The following WDR91 variants were observed in gnomAD, a reference collection of about 807,000 sequenced individuals.
WDR91 encodes WD repeat domain 91.
In WDR91, 52 loss-of-function variants were observed where a neutral mutation model predicts 88.4. The ratio of observed to expected loss-of-function variants is 0.59; its 90% CI spans 0.47 to 0.74. The LOEUF (loss-of-function observed/expected upper bound fraction) is 0.74, where lower values mean the gene tolerates loss of function less well. Ranked by LOEUF, WDR91 falls within the 30% of genes least tolerant of loss-of-function variation. WDR91 has a pLI of 0.00. For missense variants in WDR91, 824 were observed against 954.5 expected (o/e 0.86, Z 1.80); for synonymous variants, 362 against 389.5 (o/e 0.93, Z 0.83).
rs1186367790 is a variant in WDR91 at position 135,193,342 on chromosome 7, A to G, written c.1548T>C (p.Ala516=). 1.9e-6 allele frequency: 3 copies of G among 1,614,190 alleles called. No homozygotes were observed. The change falls in exon 11 of 15, where the codon GCT becomes GCC. Residue 516 remains alanine (A), a synonymous_variant. Coordinates refer to ENST00000354475, the MANE Select transcript of WDR91 (RefSeq NM_014149.4). ...AGTCCACCTGGGAAGTGAGGCTCGG[A>G]GCTGCTGCCGAACAGACGAAAGAGG... ...NGASFVCSAA[A]PSLTSQVDFS... is the part of the protein sequence containing the mutation.
intron 3 of WDR91, among the ~76,000 whole-genome samples, chr7:135,207,902 GAGGGCCCACAA>G (rs1831860971): frequency 6.6e-6 from 1 of 152,168 alleles, no homozygotes; most frequent in Non-Finnish European, 1.5e-5. Context: ...GATTTCACTG[GAGGGCCCACAA>G]AGTTAACTGG....
At chr7:135,211,029 A>G in intron 1 of WDR91, 1 of 657,728 alleles carries the variant, frequency 1.5e-6, no homozygotes, top group Non-Finnish European at 2.8e-6. Context: ...GGAAGCCAAC[A>G]CGAATATCTG....
intron 11 of WDR91, among the ~76,000 whole-genome samples, chr7:135,190,284 G>A (rs751180963): frequency 6.6e-6 from 1 of 152,114 alleles, no homozygotes; most frequent in Non-Finnish European, 1.5e-5. Flanking sequence ...CTTCAGTGCA[G>A]GAATGAACTA....
chr7:135,189,644 C>T (rs1831087724), intron 11 of WDR91, among the ~76,000 whole-genome samples, 192 bp from the exon 12 acceptor site: 1 of 152,204 alleles, frequency 6.6e-6, no homozygotes, highest in Non-Finnish European at 1.5e-5. Context: ...AGAACAAGTT[C>T]TCTGTGCCTA....
At position 135,208,891 on chromosome 7, in the gene WDR91, C is replaced by T. The variant is rs560414426; in HGVS notation, c.411G>A (p.Pro137=). The T allele has an allele frequency of 5.1e-5, 82 of 1,614,108 alleles. No individual in the cohort carries two copies. The highest frequency in any genetic ancestry group is 3.3e-4 in the Middle Eastern group (2 of 6,062). Residue 137 remains proline, a synonymous_variant, in exon 3 of 15, where the codon CCG becomes CCA. Coordinates refer to ENST00000354475, the MANE Select transcript of WDR91 (RefSeq NM_014149.4). The stretch of plus-strand genomic sequence containing the variant: ...AGGTAGCAAAGGTGGGGTTGGTGTC[C>T]GGGGATGGCAGGAAGGGCAGGACAA... ...DWFVLPFLPS[P]DTNPTFATYF... is the part of the protein sequence containing the mutation.
intron 6 of WDR91, among the ~76,000 whole-genome samples, chr7:135,201,277 A>G (rs977997155): frequency 5.3e-5 from 8 of 150,284 alleles, no homozygotes; most frequent in African/African-American, 2.0e-4. Context: ...CAAGCCTGCT[A>G]TGGATGTGCC....
chr7:135,202,582 GAC>G (rs1221985102), intron 6 of WDR91, among the ~76,000 whole-genome samples: 3 of 152,154 alleles, frequency 2.0e-5, no homozygotes, highest in African/African-American at 7.2e-5. Flanking sequence ...CTCACCATGT[GAC>G]ACACAGTTCC....
chr7:135,193,733 G>C, intron 9 of WDR91, 61 bp from the exon 10 acceptor site: 1 of 1,463,570 alleles, frequency 6.8e-7, no homozygotes, highest in South Asian at 1.2e-5. Flanking sequence ...AGTCAGGGAG[G>C]ATCTCCAGAG....
intron 11 of WDR91, among the ~76,000 whole-genome samples, chr7:135,192,840 C>G (rs544105070): frequency 6.6e-6 from 1 of 152,284 alleles, no homozygotes; most frequent in Admixed American, 6.5e-5. Flanking sequence ...TGAGGTGGTG[C>G]CCAGGTCCCC....
rs748578007 is a variant in WDR91 at position 135,193,562 on chromosome 7, G to T, written c.1490+16C>A. ...CAGCCTGCGGCCTTGATGGTGGGGG[G>T]TAGGTTCCAGTTCACCTGGGCATGT... On this transcript the variant is annotated intron_variant, in intron 10 of 14. Transcript: ENST00000354475. 1 of 1,613,922 alleles carries T rather than the reference G, an allele frequency of 6.2e-7. No individual in the cohort carries two copies. Among genetic ancestry groups the T allele is most frequent in the Non-Finnish European group, 8.5e-7 (1 of 1,179,912 alleles).
chr7:135,186,451 T>C (rs1830946319), intron 14 of WDR91, 136 bp from the exon 15 acceptor site: 3 of 975,998 alleles, frequency 3.1e-6, no homozygotes, highest in Non-Finnish European at 4.5e-6. Flanking sequence ...TCTGTTTAAC[T>C]TTTTGAACCA....
At chr7:135,193,849 A>G (rs1223447535) in intron 9 of WDR91, 177 bp from the exon 10 acceptor site, 9 of 597,206 alleles carry the variant, frequency 1.5e-5, no homozygotes, top group Non-Finnish European at 2.7e-5. Context: ...TTAAACAAAG[A>G]CGTGAGAGCT....
rs73156129 is a variant in WDR91 at position 135,205,445 on chromosome 7, T to C, written c.725+483A>G. 1.7e-3 allele frequency among the ~76,000 whole-genome samples: 266 copies of C among 152,238 alleles called. 1 individual carries two copies. Among genetic ancestry groups the C allele is most frequent in the Non-Finnish European group, 3.2e-3 (218 of 68,000 alleles). On this transcript the variant is annotated intron_variant, in intron 5 of 14. Coordinates refer to ENST00000354475, the MANE Select transcript of WDR91 (RefSeq NM_014149.4). ...AACTCCTAGAGGACTTCTGAGGCCA[T>C]GGGGACCTTACTCATAAAGCTCTGA...
rs1332519241 is a variant in WDR91 at position 135,205,967 on chromosome 7, G to C, written c.686C>G (p.Pro229Arg). ...EEALVQHKLP[P>R]YVSNMDRLGD... ...CAGGCGGTCCATGTTGGAGACATAA[G>C]GAGGCAATTTGTGTTGGACCAAGGC... is the stretch of plus-strand genomic sequence containing the variant. The change falls in exon 5 of 15, where the codon CCT (proline) becomes CGT (arginine). Residue 229 changes from proline (P) to arginine (R), a missense_variant. Transcript: ENST00000354475. 1.2e-6 allele frequency: 2 copies of C among 1,614,102 alleles called. No homozygotes were observed.
chr7:135,198,088 C>T lies in WDR91; in HGVS notation c.955G>A (p.Ala319Thr). Residue 319 changes from alanine (A) to threonine (T), a missense_variant, in exon 7 of 15, where the codon GCC becomes ACC. Physicochemically the swap from Ala to Thr is moderately conservative, Grantham distance 58. Coordinates refer to ENST00000354475, the MANE Select transcript of WDR91 (RefSeq NM_014149.4). ...TGTGACCAACCGGACTCCCCAGTGGCCAGCCCGCTGAGGAGGCTCTTCCCA... is the reference window on the plus strand; with the variant it reads ...TGTGACCAACCGGACTCCCCAGTGGTCAGCCCGCTGAGGAGGCTCTTCCCA... ...KDGKSLLSGL[A>T]TGESGWSQHR... is the part of the protein sequence containing the mutation. The T allele has an allele frequency of 6.2e-7, 1 of 1,614,106 alleles. No individual in the cohort carries two copies. Among genetic ancestry groups the T allele is most frequent in the Non-Finnish European group, 8.5e-7 (1 of 1,179,974 alleles).
Position 135,196,379 on chromosome 7 carries a change from C to G in WDR91, c.1051-42G>C. On this transcript the variant is annotated intron_variant, in intron 7 of 14. Coordinates refer to ENST00000354475, the MANE Select transcript of WDR91 (RefSeq NM_014149.4). This position sits in a 1 kb window ranked among gnomAD's most constrained non-coding sequence, Gnocchi z 4.2. ...GGGGACAAGTCAGCCAGGAAAGGGT[C>G]CCCCACACCAGGGTGTACACCGCAG... 6.8e-7 allele frequency: 1 copy of G among 1,478,408 alleles called. No individual in the cohort carries two copies. The highest frequency in any genetic ancestry group is 9.0e-7 in the Non-Finnish European group (1 of 1,113,866). 91.6% of individuals were successfully genotyped at this position (1,478,408 alleles called of 1,614,324 possible). A position where few individuals can be genotyped will look rare whatever the true frequency, so the allele number is the denominator to read the frequency against.
At chr7:135,192,810 A>C (rs1368463703) in intron 11 of WDR91, among the ~76,000 whole-genome samples, 1 of 152,144 alleles carries the variant, frequency 6.6e-6, no homozygotes, top group Non-Finnish European at 1.5e-5. Flanking sequence ...TACTGTCTTG[A>C]AGGAAGGGGT....
chr7:135,208,690 T>C (rs1460777056), intron 3 of WDR91, 101 bp downstream of exon 3: 11 of 1,149,262 alleles, frequency 9.6e-6, no homozygotes, highest in Non-Finnish European at 1.3e-5. Context: ...TCCCTGGGCA[T>C]TTTTGTAGAA....
intron 5 of WDR91, 44 bp from the exon 6 acceptor site, chr7:135,204,477 T>A: frequency 6.2e-7 from 1 of 1,603,638 alleles, no homozygotes; most frequent in Non-Finnish European, 8.5e-7. Flanking sequence ...TGAAACAGGA[T>A]GTGGAAAAAC....
Sources: gnomAD v4.1 joint callset for allele counts (sites outside exome capture counted in the v4.1 genomes callset) on GRCh38, gnomAD v4.1.1 for gene constraint, Gnocchi (gnomAD v3.1) non-coding constraint, MANE v1.5 for transcripts, NCBI Gene and HGNC (gene_info 2026-07-23, HGNC 2026-07-21) for gene names.